GLRB: variants seen among roughly 807,000 people sequenced by gnomAD.
The protein encoded by GLRB is glycine receptor subunit beta.
Under a neutral mutation model 54.2 loss-of-function variants are expected in GLRB, and 33 were observed. The ratio of observed to expected loss-of-function variants is 0.61; its 90% CI spans 0.46 to 0.81. The LOEUF (loss-of-function observed/expected upper bound fraction) is 0.81. Among genes scored for constraint, GLRB ranks in the 40% least tolerant of loss-of-function variants. The probability of loss-of-function intolerance (pLI) is 0.00; values close to 1 mark genes in which losing one functional copy is unlikely to be tolerated. For synonymous variants in GLRB, 209 were observed against 208.2 expected (o/e 1.00, Z -0.03); for missense variants, 572 against 584.6 (o/e 0.98, Z 0.22).
chr4:157,133,149 A>T (rs920950710), intron 4 of GLRB, among the ~76,000 whole-genome samples: 7 of 151,966 alleles, frequency 4.6e-5, no homozygotes, highest in Non-Finnish European at 8.8e-5. Context: ...GCATATTCAA[A>T]ATGGTGATAA....
chr4:157,127,069 A>G (rs1294275556), intron 4 of GLRB, among the ~76,000 whole-genome samples: 1 of 151,754 alleles, frequency 6.6e-6, no homozygotes, highest in Non-Finnish European at 1.5e-5. Flanking sequence ...AAAAAAATTC[A>G]TATTTGGGAT....
intron 9 of GLRB, among the ~76,000 whole-genome samples, chr4:157,165,732 G>A (rs937404587): frequency 6.6e-6 from 1 of 151,912 alleles, no homozygotes; most frequent in African/African-American, 2.4e-5. Context: ...CAACAAAGCA[G>A]TTAAGAACCT....
chr4:157,150,595 TTC>T (rs1736985585), intron 8 of GLRB, among the ~76,000 whole-genome samples: 1 of 152,080 alleles, frequency 6.6e-6, no homozygotes, highest in Non-Finnish European at 1.5e-5. Flanking sequence ...TTTCAAAAAG[TTC>T]TTTCAGATTC....
chr4:157,095,537 G>A (rs1734778673), intron 2 of GLRB, among the ~76,000 whole-genome samples: 1 of 152,116 alleles, frequency 6.6e-6, no homozygotes, highest in Non-Finnish European at 1.5e-5. Flanking sequence ...TATGAAACTA[G>A]ATGAGGTCAC....
Position 157,136,610 on chromosome 4 carries a change from A to C in GLRB, c.439A>C (p.Asn147His). 6.2e-7 allele frequency: 1 copy of C among 1,613,280 alleles called. No individual in the cohort carries two copies. Among genetic ancestry groups the C allele is most frequent in the Non-Finnish European group, 8.5e-7 (1 of 1,179,312 alleles). Reference sequence around the variant, plus strand: ...ATGGAAACCTGATTTATTTTTTGCAAATGAAAAAAGTGCCAATTTTCATGA... The same window carrying C: ...ATGGAAACCTGATTTATTTTTTGCACATGAAAAAAGTGCCAATTTTCATGA... ...CLWKPDLFFA[N>H]EKSANFHDVT... is the part of the protein sequence containing the mutation. The change falls in exon 5 of 10, where the codon AAT (asparagine) becomes CAT (histidine). Residue 147 changes from asparagine (N) to histidine (H), a missense_variant. Physicochemically the swap from Asn to His is moderately conservative, Grantham distance 68. Transcript: ENST00000264428.
chr4:157,098,748 G>A (rs1204217332), intron 2 of GLRB, among the ~76,000 whole-genome samples: 1 of 152,014 alleles, frequency 6.6e-6, no homozygotes, highest in Non-Finnish European at 1.5e-5. Context: ...TGGGATTACA[G>A]GCATGCACCA....
At chr4:157,145,618 A>C in intron 8 of GLRB, among the ~76,000 whole-genome samples, 1 of 152,334 alleles carries the variant, frequency 6.6e-6, no homozygotes, top group South Asian at 2.1e-4. Context: ...TAAATAGTTA[A>C]TAAAATGCAT....
chr4:157,083,023 GAC>G (rs1434005471), intron 2 of GLRB, among the ~76,000 whole-genome samples: 5 of 148,410 alleles, frequency 3.4e-5, no homozygotes, highest in Non-Finnish European at 7.4e-5. Flanking sequence ...TTTTAAGAAA[GAC>G]ATTCTTAAAA....
intron 2 of GLRB, among the ~76,000 whole-genome samples, chr4:157,110,177 G>A (rs934964848): frequency 1.3e-5 from 2 of 151,864 alleles, no homozygotes; most frequent in Admixed American, 1.3e-4. Flanking sequence ...GCCATGAACT[G>A]CCAGTCATCT....
intron 2 of GLRB, among the ~76,000 whole-genome samples, chr4:157,081,461 A>G (rs574506446): frequency 6.6e-6 from 1 of 152,318 alleles, no homozygotes; most frequent in East Asian, 1.9e-4. Context: ...ACCTGAACTC[A>G]GAATCATGTG....
chr4:157,111,930 T>A (rs1436461074), intron 2 of GLRB, among the ~76,000 whole-genome samples: 1 of 152,008 alleles, frequency 6.6e-6, no homozygotes, highest in African/African-American at 2.4e-5. Context: ...TTTCATGAAA[T>A]ATTCTTTTTT....
intron 2 of GLRB, among the ~76,000 whole-genome samples, chr4:157,099,542 G>C (rs1734939828): frequency 6.6e-6 from 1 of 151,902 alleles, no homozygotes; most frequent in African/African-American, 2.4e-5. Context: ...TCACCATGTT[G>C]GCCAGGCTGT....
intron 8 of GLRB, among the ~76,000 whole-genome samples, chr4:157,151,061 T>C (rs1042209654): frequency 5.3e-5 from 8 of 152,126 alleles, no homozygotes; most frequent in African/African-American, 1.9e-4. Flanking sequence ...GAAATTATTC[T>C]CTATTTCATC....
chr4:157,162,447 T>C (rs934963433), intron 9 of GLRB, among the ~76,000 whole-genome samples: 2 of 152,236 alleles, frequency 1.3e-5, no homozygotes, highest in African/African-American at 4.8e-5. Context: ...TTTTCTACTC[T>C]GGTTTCTCCC....
chr4:157,123,105 G>A (rs934289773), intron 4 of GLRB, among the ~76,000 whole-genome samples: 3 of 151,734 alleles, frequency 2.0e-5, no homozygotes, highest in Non-Finnish European at 4.4e-5. Context: ...ATTCGATAAA[G>A]TCTATTTGCT....
At chr4:157,108,522 A>T (rs914329418) in intron 2 of GLRB, among the ~76,000 whole-genome samples, 8 of 152,226 alleles carry the variant, frequency 5.3e-5, no homozygotes, top group African/African-American at 1.7e-4. Flanking sequence ...AAGAAAACTT[A>T]AATTAAAACT....
chr4:157,107,952 G>A (rs1735283714), intron 2 of GLRB, among the ~76,000 whole-genome samples: 1 of 152,018 alleles, frequency 6.6e-6, no homozygotes, highest in East Asian at 1.9e-4. Flanking sequence ...AAAAATCCTA[G>A]GGCCCTTAAG....
At chr4:157,155,665 T>A (rs1737199270) in intron 9 of GLRB, among the ~76,000 whole-genome samples, 1 of 152,194 alleles carries the variant, frequency 6.6e-6, no homozygotes, top group East Asian at 1.9e-4. Context: ...TAATTGCTTT[T>A]CCTCTGTAGG....
At chr4:157,143,067 A>T (rs73856840) in intron 7 of GLRB, among the ~76,000 whole-genome samples, 23,428 of 152,062 alleles carry the variant, frequency 0.15, 1,999 homozygotes, top group African/African-American at 0.23. Context: ...GGACTAGTTG[A>T]TGTCATGGCC....
Sources: allele counts gnomAD v4.1 joint callset (sites outside exome capture counted in the v4.1 genomes callset), GRCh38; gene constraint gnomAD v4.1.1; transcripts MANE v1.5; gene names NCBI Gene and HGNC (gene_info 2026-07-23, HGNC 2026-07-21).